Variants in PET117 observed in about 807,000 individuals in gnomAD.
PET117 encodes protein PET117 homolog, mitochondrial.
Under a neutral mutation model 9.2 loss-of-function variants are expected in PET117, and 10 were observed. That is an observed-to-expected ratio of 1.09 (90% confidence interval 0.67 to 1.85). PET117 has a LOEUF of 1.85. Ranked by LOEUF, PET117 falls within the 40% of genes most tolerant of loss-of-function variation. The pLI, the probability that PET117 is intolerant of heterozygous loss-of-function variation, is 0.00. For missense variants in PET117, 96 were observed against 98.2 expected (o/e 0.98, Z 0.09); for synonymous variants, 43 against 37.1 (o/e 1.16, Z -0.57).
Position 18,137,970 on chromosome 20 carries a change from G to C in PET117, c.15G>C (p.Ser5=), listed in dbSNP as rs773069927. 1.3e-6 allele frequency: 2 copies of C among 1,499,886 alleles called. No individual in the cohort carries two copies. The highest frequency in any genetic ancestry group is 2.5e-5 in the South Asian group (2 of 80,434). 92.9% of individuals were successfully genotyped at this position (1,499,886 alleles called of 1,614,324 possible). Reference sequence around the variant, plus strand: ...CCAGCGTGGGGATGTCTAGGAGCTCGAAGGTGGTGCTGGGCCTCTCGGTGC... The same window carrying C: ...CCAGCGTGGGGATGTCTAGGAGCTCCAAGGTGGTGCTGGGCCTCTCGGTGC... The part of the protein sequence containing the change: MSRS[S]KVVLGLSVLL... The change falls in exon 1 of 2, where the codon TCG becomes TCC. Residue 5 remains serine (S), a synonymous_variant. Transcript: ENST00000432901.
At chr20:18,139,675 T>TGTGTGTGTGTGTGTGTGTGTG (rs1568660988) in intron 1 of PET117, among the ~76,000 whole-genome samples, 1 of 103,746 alleles carries the variant, frequency 9.6e-6, no homozygotes, top group East Asian at 7.9e-4. Context: ...TGTGTGTGTG[T>TGTGTGTGTGTGTGTGTGTGTG]TTATTTTTTT....
chr20:18,139,670 GTGTGTT>G (rs1242662131), intron 1 of PET117, among the ~76,000 whole-genome samples: 1 of 88,074 alleles, frequency 1.1e-5, no homozygotes, highest in African/African-American at 3.9e-5. Context: ...GTGTGTGTGT[GTGTGTT>G]TATTTTTTTT....
chr20:18,137,935 G>T lies in PET117; in HGVS notation c.-21G>T. ...CGCCTCGGGCGGGCGGGAGAGAGAG[G>T]CCGCGGCCGCCAGCGTGGGGATGTC... is the stretch of plus-strand genomic sequence containing the variant. On this transcript the variant is annotated 5_prime_UTR_variant, in exon 1 of 2. Coordinates refer to ENST00000432901, the MANE Select transcript of PET117 (RefSeq NM_001164811.2). 2 of 1,478,864 alleles carry T rather than the reference G, an allele frequency of 1.4e-6. No homozygotes were observed. The allele number at this position is 1,478,864 out of a possible 1,614,324, so 91.6% of individuals were successfully genotyped here.
chr20:18,142,316 A>G lies in PET117; in HGVS notation c.205A>G (p.Arg69Gly), dbSNP rs188442064. ...IILTEQLEAE[R>G]EKMLLAKGSQ... is the part of the protein sequence containing the mutation. ...TTTGACTGAGCAACTTGAAGCAGAA[A>G]GAGAGAAGATGTTATTGGCAAAAGG... Residue 69 changes from arginine (R) to glycine (G), a missense_variant, in exon 2 of 2, where the codon AGA becomes GGA. Coordinates refer to ENST00000432901, the MANE Select transcript of PET117 (RefSeq NM_001164811.2). 6 of 1,537,078 alleles carry G rather than the reference A, an allele frequency of 3.9e-6. No individual in the cohort carries two copies. Among genetic ancestry groups the G allele is most frequent in the Middle Eastern group, 1.7e-4 (1 of 5,988 alleles).
chr20:18,138,399 G>T (rs2037384077), intron 1 of PET117: 1 of 1,038,590 alleles, frequency 9.6e-7, no homozygotes, highest in Admixed American at 5.7e-5. Flanking sequence ...CGGCCCGCAG[G>T]GTGCGGACCT....
At chr20:18,140,412 G>A (rs2037486338) in intron 1 of PET117, among the ~76,000 whole-genome samples, 1 of 152,078 alleles carries the variant, frequency 6.6e-6, no homozygotes, top group Admixed American at 6.6e-5. Flanking sequence ...ATTATATTAG[G>A]TGAGTTTTTA....
intron 1 of PET117, among the ~76,000 whole-genome samples, chr20:18,141,713 G>A (rs892114558): frequency 2.0e-5 from 3 of 152,032 alleles, no homozygotes; most frequent in East Asian, 3.9e-4. Flanking sequence ...GTGAAACCCC[G>A]TCTCTACTAA....
At chr20:18,138,517 G>A (rs2037390683) in intron 1 of PET117, 1 of 941,788 alleles carries the variant, frequency 1.1e-6, no homozygotes, top group Non-Finnish European at 1.3e-6. Context: ...TGGGGTTAAA[G>A]CCTAATGTGT....
intron 1 of PET117, among the ~76,000 whole-genome samples, chr20:18,139,221 G>A (rs2037425805): frequency 1.3e-5 from 2 of 152,178 alleles, no homozygotes; most frequent in South Asian, 4.1e-4. Context: ...AGAGATTTGG[G>A]ATTAAAATGT....
At chr20:18,139,861 T>A (rs1179919219) in intron 1 of PET117, among the ~76,000 whole-genome samples, 1 of 152,140 alleles carries the variant, frequency 6.6e-6, no homozygotes, top group African/African-American at 2.4e-5. Context: ...TTAAGCACTT[T>A]ATGTATATCA....
At position 18,142,210 on chromosome 20, in the gene PET117, G is replaced by T; in HGVS notation, c.99G>T (p.Arg33Ser). 1 of 1,536,638 alleles carries T rather than the reference G, an allele frequency of 6.5e-7. No homozygotes were observed. The highest frequency in any genetic ancestry group is 8.7e-7 in the Non-Finnish European group (1 of 1,146,578). Residue 33 changes from arginine to serine, a missense_variant and splice_region_variant, in exon 2 of 2, where the codon AGG becomes AGT. Arg to Ser is a moderately radical substitution (Grantham distance 110, BLOSUM62 -1). Transcript: ENST00000432901. ...VHVKQQWDQQRLRDGVIRDIE... is the reference protein window; with the variant it reads ...VHVKQQWDQQSLRDGVIRDIE... ...AAATCTGTTTCTTACGTTTTTAGAG[G>T]CTTCGTGACGGAGTTATCAGAGACA...
chr20:18,141,532 G>C (rs2037579350), intron 1 of PET117, among the ~76,000 whole-genome samples: 1 of 152,128 alleles, frequency 6.6e-6, no homozygotes, highest in South Asian at 2.1e-4. Context: ...GAGTAGTTTA[G>C]AGTGTTACTG....
chr20:18,140,818 C>CAAAAAAAAAAAAAAAAAAAAAAAA, intron 1 of PET117, among the ~76,000 whole-genome samples: 1 of 79,064 alleles, frequency 1.3e-5, no homozygotes, highest in Non-Finnish European at 2.3e-5. Flanking sequence ...GACTCCTTCT[C>CAAAAAAAAAAAAAAAAAAAAAAAA]AAAAAAAAAA....
chr20:18,142,190 T>G lies in PET117; in HGVS notation c.97-18T>G. ...ACCTGTTCGGGATGTTACTGAAATC[T>G]GTTTCTTACGTTTTTAGAGGCTTCG... On this transcript the variant is annotated intron_variant, in intron 1 of 1. Coordinates refer to ENST00000432901, the MANE Select transcript of PET117 (RefSeq NM_001164811.2). 1.3e-6 allele frequency: 2 copies of G among 1,534,548 alleles called. No individual in the cohort carries two copies. The highest frequency in any genetic ancestry group is 1.7e-4 in the Middle Eastern group (1 of 5,982).
chr20:18,138,589 A>C, intron 1 of PET117: 1 of 397,474 alleles, frequency 2.5e-6, no homozygotes, highest in South Asian at 1.0e-4. Flanking sequence ...CTCACTCTCC[A>C]TGCCTTTGAC....
chr20:18,138,140 C>T (rs1038396641), intron 1 of PET117, 89 bp downstream of exon 1: 20 of 1,355,142 alleles, frequency 1.5e-5, no homozygotes, highest in African/African-American at 1.2e-4. Flanking sequence ...GGTTCCTCAG[C>T]TCCTCTTCGT....
In PET117 at chr20:18,138,389, C is replaced by CGGG. The variant is rs1336043013; in HGVS notation, c.96+340_96+341insGGG. ...AGTGGCTCTGTTTTCAAGTCACAGCCGGCCCGCAGGGTGCGGACCTTTCCA... is the reference window on the plus strand; with the variant it reads ...AGTGGCTCTGTTTTCAAGTCACAGCCGGGGGCCCGCAGGGTGCGGACCTTTCCA... On this transcript the variant is annotated intron_variant, in intron 1 of 1. Transcript: ENST00000432901. The CGGG allele has an allele frequency of 6.7e-6, 7 of 1,045,810 alleles. No homozygotes were observed. In the East Asian group the frequency reaches 5.1e-4, roughly 76 times the overall value. The allele number at this position is 1,045,810 out of a possible 1,614,324, so 64.8% of individuals were successfully genotyped here. A position where few individuals can be genotyped will look rare whatever the true frequency, so the allele number is the denominator to read the frequency against.
Position 18,138,062 on chromosome 20 carries a change from C to T in PET117, c.96+11C>T. ...CAGTGGGACCAGCAGGTCGGTGTCA[C>T]GTGACCGTCTCTTCCGGGCCCGCGC... On this transcript the variant is annotated intron_variant, in intron 1 of 1. Coordinates refer to ENST00000432901, the MANE Select transcript of PET117 (RefSeq NM_001164811.2). 1.4e-6 allele frequency: 2 copies of T among 1,468,150 alleles called. No individual in the cohort carries two copies. The highest frequency in any genetic ancestry group is 5.0e-5 in the Admixed American group (2 of 39,922). The allele number at this position is 1,468,150 out of a possible 1,614,324, so 90.9% of individuals were successfully genotyped here. A position where few individuals can be genotyped will look rare whatever the true frequency, so the allele number is the denominator to read the frequency against.
At position 18,138,232 on chromosome 20, in the gene PET117, C is replaced by CTGCAGCTCCCGGCGGGCGTG. The variant is rs1327287572; in HGVS notation, c.96+188_96+207dup. 7.2e-6 allele frequency: 9 copies of CTGCAGCTCCCGGCGGGCGTG among 1,250,610 alleles called. No homozygotes were observed. The East Asian group carries it at 2.6e-4, about 36-fold the overall frequency. The allele number at this position is 1,250,610 out of a possible 1,614,324, so 77.5% of individuals were successfully genotyped here. ...CGGCCGCTCTGCTGGGCTCCGGGCG[C>CTGCAGCTCCCGGCGGGCGTG]TGCAGCTCCCGGCGGGCGTGTGCAG... On this transcript the variant is annotated intron_variant, in intron 1 of 1. Coordinates refer to ENST00000432901, the MANE Select transcript of PET117 (RefSeq NM_001164811.2).
Sources: gnomAD v4.1 joint callset for allele counts (sites outside exome capture counted in the v4.1 genomes callset) on GRCh38, gnomAD v4.1.1 for gene constraint, MANE v1.5 for transcripts, NCBI Gene and HGNC (gene_info 2026-07-23, HGNC 2026-07-21) for gene names.